The following OR51E2 variants were observed in gnomAD, a reference collection of about 807,000 sequenced individuals.
The protein encoded by OR51E2 is olfactory receptor 51E2.
Under a neutral mutation model 13.7 loss-of-function variants are expected in OR51E2, and 14 were observed. The ratio of observed to expected loss-of-function variants is 1.02; its 90% CI spans 0.68 to 1.60. The LOEUF is 1.60. Ranked by LOEUF, OR51E2 falls within the 40% of genes most tolerant of loss-of-function variation. The pLI is 0.00. For missense variants in OR51E2, 483 were observed against 413.8 expected (o/e 1.17, Z -1.45); for synonymous variants, 180 against 157.6 (o/e 1.14, Z -1.07).
intron 1 of OR51E2, chr11:4,691,439 C>G (rs1847578047): frequency 2.2e-6 from 1 of 457,132 alleles, no homozygotes. Context: ...TCACATTGAA[C>G]CAGAATATAC....
At chr11:4,683,504 G>T (rs746468872) in intron 1 of OR51E2, among the ~76,000 whole-genome samples, 2 of 152,184 alleles carry the variant, frequency 1.3e-5, no homozygotes, top group African/African-American at 2.4e-5. Context: ...ATAAAATCAA[G>T]GTAGTGGCTC....
At chr11:4,687,155 T>C (rs1847525944) in intron 1 of OR51E2, among the ~76,000 whole-genome samples, 1 of 152,214 alleles carries the variant, frequency 6.6e-6, no homozygotes, top group Admixed American at 6.5e-5. Flanking sequence ...TTTCCATCTT[T>C]CCACTTTGGA....
intron 1 of OR51E2, chr11:4,692,103 C>T (rs972432676): frequency 2.3e-6 from 1 of 435,484 alleles, no homozygotes; most frequent in African/African-American, 2.1e-5. Flanking sequence ...TATTTTTCCT[C>T]TATGGTTGGC....
chr11:4,697,206 C>T (rs886369987), intron 1 of OR51E2, among the ~76,000 whole-genome samples: 1 of 152,158 alleles, frequency 6.6e-6, no homozygotes, highest in Non-Finnish European at 1.5e-5. Flanking sequence ...TTCCAAAGCT[C>T]GTGCTCTCAA....
chr11:4,691,908 T>A (rs563639755), intron 1 of OR51E2, among the ~76,000 whole-genome samples: 2 of 152,242 alleles, frequency 1.3e-5, no homozygotes, highest in Non-Finnish European at 2.9e-5. Flanking sequence ...TTTTTGAATT[T>A]GCCTTAGTGT....
intron 1 of OR51E2, among the ~76,000 whole-genome samples, chr11:4,694,919 G>A (rs1239047924): frequency 1.3e-5 from 2 of 152,142 alleles, no homozygotes; most frequent in Admixed American, 6.5e-5. Flanking sequence ...ATGGGTAAAT[G>A]TGAGTTTATA....
chr11:4,681,791 C>A lies in OR51E2; in HGVS notation c.921G>T (p.Lys307Asn). 1 of 1,614,230 alleles carries A rather than the reference C, an allele frequency of 6.2e-7. No homozygotes were observed. The change falls in exon 2 of 2, where the codon AAG becomes AAT. Residue 307 changes from lysine (K) to asparagine (N), a missense_variant. Physicochemically the swap from Lys to Asn is moderately conservative, Grantham distance 94 (BLOSUM62 0). Coordinates refer to ENST00000396950, the MANE Select transcript of OR51E2 (RefSeq NM_030774.4). Reference sequence around the variant, plus strand: ...CCTGCAAGTCCTTGTCACAGCTGATCTTGAACATAGCCAGCACCCGTGTTC... The same window carrying A: ...CCTGCAAGTCCTTGTCACAGCTGATATTGAACATAGCCAGCACCCGTGTTC... ...QIRTRVLAMF[K>N]ISCDKDLQAV...
At chr11:4,688,798 G>A (rs1392954322) in intron 1 of OR51E2, among the ~76,000 whole-genome samples, 1 of 152,082 alleles carries the variant, frequency 6.6e-6, no homozygotes, top group Non-Finnish European at 1.5e-5. Flanking sequence ...TAGAAGAAAG[G>A]GTCACCAGGA....
chr11:4,686,666 C>A (rs1200828568), intron 1 of OR51E2, among the ~76,000 whole-genome samples: 1 of 152,146 alleles, frequency 6.6e-6, no homozygotes, highest in African/African-American at 2.4e-5. Context: ...TCTATTTTTC[C>A]TTCTAAAAAT....
Position 4,694,413 on chromosome 11 carries a change from A to T in OR51E2, c.-51+3240T>A, listed in dbSNP as rs555653347. On this transcript the variant is annotated intron_variant, in intron 1 of 1. Transcript: ENST00000396950. ...ACCTTATTCTTTTTCCTAGCCAATAACTCCACTTTAGCTCCTATCAACCAG... is the reference window on the plus strand; with the variant it reads ...ACCTTATTCTTTTTCCTAGCCAATATCTCCACTTTAGCTCCTATCAACCAG... Among the ~76,000 whole-genome samples, 149 of 151,396 alleles carry T rather than the reference A, an allele frequency of 9.8e-4. 1 individual carries two copies. Among genetic ancestry groups the T allele is most frequent in the Non-Finnish European group, 6.2e-4 (42 of 67,860 alleles).
At position 4,692,615 on chromosome 11, in the gene OR51E2, T is replaced by C. The variant is rs542144133; in HGVS notation, c.-51+5038A>G. On this transcript the variant is annotated intron_variant, in intron 1 of 1. Transcript: ENST00000396950. ...CAGAAAGGTAGATAGATGGGTATGG[T>C]TGAGTTGAAGACGGGGGTCTAGGGA... Among the ~76,000 whole-genome samples the C allele has an allele frequency of 1.5e-3, 235 of 152,130 alleles. 1 individual carries two copies. Among genetic ancestry groups the C allele is most frequent in the Non-Finnish European group, 2.9e-3 (200 of 68,030 alleles).
Position 4,682,423 on chromosome 11 carries a change from G to A in OR51E2, c.289C>T (p.Leu97Phe), listed in dbSNP as rs1847466075. 2.5e-6 allele frequency: 4 copies of A among 1,614,234 alleles called. No individual in the cohort carries two copies. The East Asian group carries it at 6.7e-5, about 27-fold the overall frequency. ...GCATGAATAAAGAACATCTGGGTAA[G>A]ACAGGCCTCAAAGCTAATCTCTCGG... ...DSREISFEAC[L>F]TQMFFIHALS... Residue 97 changes from leucine (L) to phenylalanine (F), a missense_variant, in exon 2 of 2, where the codon CTT becomes TTT. Physicochemically the swap from Leu to Phe is conservative, Grantham distance 22. Transcript: ENST00000396950.
At chr11:4,686,035 C>T (rs1447618120) in intron 1 of OR51E2, among the ~76,000 whole-genome samples, 2 of 152,206 alleles carry the variant, frequency 1.3e-5, no homozygotes, top group Non-Finnish European at 2.9e-5. Flanking sequence ...TATTGGTCAT[C>T]TATATCTGGC....
At position 4,682,609 on chromosome 11, in the gene OR51E2, C is replaced by T. The variant is rs567795015; in HGVS notation, c.103G>A (p.Val35Ile). Residue 35 changes from valine (V) to isoleucine (I), a missense_variant, in exon 2 of 2, where the codon GTA becomes ATA. Transcript: ENST00000396950. ...ATGCAGTTTCCAAACATTGCCACTACATACATGGAAAGGAGGGGGAAGCCA... is the reference window on the plus strand; with the variant it reads ...ATGCAGTTTCCAAACATTGCCACTATATACATGGAAAGGAGGGGGAAGCCA... ...WVGFPLLSMY[V>I]VAMFGNCIVV... The T allele has an allele frequency of 3.7e-5, 59 of 1,614,190 alleles. 1 individual carries two copies. In the South Asian group the frequency reaches 5.8e-4, roughly 16 times the overall value.
At chr11:4,690,134 G>A (rs1190281988) in intron 1 of OR51E2, among the ~76,000 whole-genome samples, 2 of 150,636 alleles carry the variant, frequency 1.3e-5, no homozygotes, top group East Asian at 3.9e-4. Flanking sequence ...GAGTGTGGGG[G>A]ACTCTGGAGT....
Position 4,681,886 on chromosome 11 carries a change from C to T in OR51E2, c.826G>A (p.Gly276Ser). The T allele has an allele frequency of 1.2e-6, 2 of 1,614,094 alleles. No individual in the cohort carries two copies. Among genetic ancestry groups the T allele is most frequent in the Non-Finnish European group, 1.7e-6 (2 of 1,180,010 alleles). The change falls in exon 2 of 2, where the codon GGT becomes AGT. Residue 276 changes from glycine to serine, a missense_variant. Coordinates refer to ENST00000396950, the MANE Select transcript of OR51E2 (RefSeq NM_030774.4). ...SLHPIVRVVM[G>S]DIYLLLPPVI... ...GGAGGCAGCAGCAGGTAGATGTCAC[C>T]CATGACAACACGCACAATGGGATGA...
At chr11:4,694,475 CATATAT>C in intron 1 of OR51E2, among the ~76,000 whole-genome samples, 1 of 150,650 alleles carries the variant, frequency 6.6e-6, no homozygotes, top group East Asian at 2.0e-4. Flanking sequence ...CTAAACTATA[CATATAT>C]ATACGTGTAT....
At chr11:4,688,292 G>C (rs1158734700) in intron 1 of OR51E2, among the ~76,000 whole-genome samples, 1 of 152,116 alleles carries the variant, frequency 6.6e-6, no homozygotes, top group Non-Finnish European at 1.5e-5. Flanking sequence ...CCTGTAATGG[G>C]GTGCACTTGA....
At chr11:4,694,062 ATTGTG>A (rs1847621326) in intron 1 of OR51E2, among the ~76,000 whole-genome samples, 1 of 152,128 alleles carries the variant, frequency 6.6e-6, no homozygotes, top group Non-Finnish European at 1.5e-5. Flanking sequence ...AATTTTTGTC[ATTGTG>A]TTGTAGGACA....
Sources: allele counts gnomAD v4.1 joint callset (sites outside exome capture counted in the v4.1 genomes callset), GRCh38; gene constraint gnomAD v4.1.1; transcripts MANE v1.5; gene names NCBI Gene and HGNC (gene_info 2026-07-23, HGNC 2026-07-21).